Variants in DZIP1 observed in about 807,000 individuals in gnomAD.
DZIP1 encodes the protein DAZ interacting zinc finger protein 1.
A neutral mutation model predicts 107.6 loss-of-function variants in DZIP1; 97 were observed. The observed-to-expected ratio is 0.90, with a 90% CI of 0.77 to 1.07. The LOEUF (loss-of-function observed/expected upper bound fraction) is 1.07. DZIP1 is among the 50% of genes least tolerant of loss of function. The probability of loss-of-function intolerance (pLI) is 0.00; values close to 1 mark genes in which losing one functional copy is unlikely to be tolerated. For synonymous variants in DZIP1, 390 were observed against 386.4 expected, an observed-to-expected ratio of 1.01 and a Z score of -0.11; for missense variants, 1,035 against 1,063.6, an observed-to-expected ratio of 0.97 and a Z score of 0.37.
At chr13:95,640,180 A>G (rs1878331740) in intron 5 of DZIP1, among the ~76,000 whole-genome samples, 1 of 151,902 alleles carries the variant, frequency 6.6e-6, no homozygotes, top group African/African-American at 2.4e-5. Context: ...TTTAGTAGAC[A>G]CGGGGTTTCA....
chr13:95,593,936 G>A lies in DZIP1; in HGVS notation c.1680+8C>T. On this transcript the variant is annotated splice_region_variant and intron_variant, in intron 16 of 22. Transcript: ENST00000376829. ...ACTAACAAATATTCCAAAAATGAAT[G>A]AACATACTGCATTAATCCCCAAGGT... is the stretch of plus-strand genomic sequence containing the variant. 6.3e-7 allele frequency: 1 copy of A among 1,588,578 alleles called. No individual in the cohort carries two copies. Among genetic ancestry groups the A allele is most frequent in the South Asian group, 1.2e-5 (1 of 85,422 alleles).
intron 5 of DZIP1, among the ~76,000 whole-genome samples, chr13:95,639,039 C>G (rs567695819): frequency 6.6e-6 from 1 of 152,242 alleles, no homozygotes; most frequent in South Asian, 2.1e-4. Context: ...TCCCTCATTC[C>G]CAGGTATTAG....
intron 16 of DZIP1, among the ~76,000 whole-genome samples, 193 bp from the exon 17 acceptor site, chr13:95,590,634 T>C (rs931701939): frequency 1.3e-5 from 2 of 152,208 alleles, no homozygotes; most frequent in African/African-American, 4.8e-5. Context: ...ACATAAGGCA[T>C]GCATATGTTT....
At chr13:95,596,148 G>A (rs2044451668) in intron 15 of DZIP1, among the ~76,000 whole-genome samples, 1 of 152,062 alleles carries the variant, frequency 6.6e-6, no homozygotes, top group Admixed American at 6.6e-5. Context: ...AGAGTAAGCA[G>A]GGAAAAATAA....
chr13:95,639,288 A>T (rs1878196518), intron 5 of DZIP1, among the ~76,000 whole-genome samples: 1 of 152,142 alleles, frequency 6.6e-6, no homozygotes, highest in South Asian at 2.1e-4. Context: ...CTTATCATTC[A>T]CATTTGAAAA....
chr13:95,599,599 A>G (rs2044555992), intron 14 of DZIP1, among the ~76,000 whole-genome samples, 175 bp from the exon 15 acceptor site: 1 of 152,236 alleles, frequency 6.6e-6, no homozygotes. Flanking sequence ...TCACCTTTTC[A>G]TCATATCTTC....
At chr13:95,601,114 T>G (rs374166190) in intron 14 of DZIP1, among the ~76,000 whole-genome samples, 45 of 152,302 alleles carry the variant, frequency 3.0e-4, no homozygotes, top group African/African-American at 1.1e-3. Context: ...CTATGACTTA[T>G]TTCTCTAGAG....
chr13:95,636,634 G>A (rs1463805846), intron 5 of DZIP1, among the ~76,000 whole-genome samples: 1 of 151,722 alleles, frequency 6.6e-6, no homozygotes, highest in Non-Finnish European at 1.5e-5. Context: ...TAAAGGAAAG[G>A]CTGACATAAT....
At position 95,641,426 on chromosome 13, in the gene DZIP1, C is replaced by G; in HGVS notation, c.466G>C (p.Gly156Arg). The change falls in exon 5 of 23, where the codon GGC (glycine) becomes CGC (arginine). Residue 156 changes from glycine to arginine, a missense_variant. Coordinates refer to ENST00000376829, the MANE Select transcript of DZIP1 (RefSeq NM_198968.4). This position sits in a 1 kb window ranked among gnomAD's most constrained non-coding sequence, Gnocchi z 4.3. ...GTGAGCAGCTTCTTGCTCTGCTCGC[C>G]GTCGCAGTGGCTCAGGCGCAGCCGC... The part of the protein sequence containing the change: ...EERLRLSHCD[G>R]EQSKKLLTKQ... 1.2e-6 allele frequency: 2 copies of G among 1,614,134 alleles called. No homozygotes were observed. The highest frequency in any genetic ancestry group is 1.7e-6 in the Non-Finnish European group (2 of 1,180,000).
intron 9 of DZIP1, among the ~76,000 whole-genome samples, chr13:95,621,715 T>C (rs1161180270): frequency 7.0e-6 from 1 of 143,628 alleles, no homozygotes; most frequent in African/African-American, 2.7e-5. Context: ...TGTGTGTGTG[T>C]ATTTATTTAT....
chr13:95,581,190 A>C lies in DZIP1; in HGVS notation c.*1044T>G, dbSNP rs1166449838. On this transcript the variant is annotated 3_prime_UTR_variant, in exon 23 of 23. Transcript: ENST00000376829. ...TAAAACCCAACAAATCTTTTAGTTA[A>C]AAGGTTACTTGGAAACAGAATATAG... 6.6e-6 allele frequency: 1 copy of C among 152,666 alleles called. No individual in the cohort carries two copies. Among genetic ancestry groups the C allele is most frequent in the African/African-American group, 2.4e-5 (1 of 41,470 alleles). The allele number at this position is 152,666 out of a possible 1,614,324, so 9.5% of individuals were successfully genotyped here. A position where few individuals can be genotyped will look rare whatever the true frequency, so the allele number is the denominator to read the frequency against.
At position 95,632,407 on chromosome 13, in the gene DZIP1, C is replaced by CCT. The variant is rs570802740; in HGVS notation, c.685+825_685+826dup. Among the ~76,000 whole-genome samples, 775 of 152,240 alleles carry CCT rather than the reference C, an allele frequency of 5.1e-3. 1 individual carries two copies. The highest frequency in any genetic ancestry group is 0.014 in the Admixed American group (215 of 15,290). On this transcript the variant is annotated intron_variant, in intron 6 of 22. Coordinates refer to ENST00000376829, the MANE Select transcript of DZIP1 (RefSeq NM_198968.4). ...AACATGGAGGACAGAAACCCAGGGTCCTCTGTAGCTTCTGGGTCCACAACT... is the reference window on the plus strand; with the variant it reads ...AACATGGAGGACAGAAACCCAGGGTCCTCTCTGTAGCTTCTGGGTCCACAACT...
At chr13:95,599,952 C>T (rs975782313) in intron 14 of DZIP1, among the ~76,000 whole-genome samples, 1 of 152,148 alleles carries the variant, frequency 6.6e-6, no homozygotes, top group African/African-American at 2.4e-5. Flanking sequence ...TCTTCGACAC[C>T]TGCATGGATG....
rs1878889281 is a variant in DZIP1 at position 95,644,465 on chromosome 13, CG to C, written c.-615del. ...CCAGACCCCAGGGTCGCTGCTGACG[CG>C]GGCCGGGCCCGCGGAGGCCGAGGAG... is the stretch of plus-strand genomic sequence containing the variant. On this transcript the variant is annotated 5_prime_UTR_variant, in exon 1 of 23. Transcript: ENST00000376829. The C allele has an allele frequency of 6.5e-6, 1 of 152,874 alleles. No homozygotes were observed. The highest frequency in any genetic ancestry group is 2.1e-4 in the South Asian group (1 of 4,844). The allele number at this position is 152,874 out of a possible 1,614,324, so 9.5% of individuals were successfully genotyped here.
At chr13:95,634,045 C>A (rs1392612867) in intron 5 of DZIP1, among the ~76,000 whole-genome samples, 1 of 152,200 alleles carries the variant, frequency 6.6e-6, no homozygotes, top group Non-Finnish European at 1.5e-5. Context: ...TTCTGGAGCC[C>A]CTGATGCTGC....
intron 16 of DZIP1, among the ~76,000 whole-genome samples, chr13:95,592,513 C>A (rs746554960): frequency 2.0e-5 from 3 of 152,180 alleles, no homozygotes; most frequent in Non-Finnish European, 4.4e-5. Flanking sequence ...TGTGGAGCAA[C>A]TGAACTCTCA....
intron 8 of DZIP1, among the ~76,000 whole-genome samples, chr13:95,623,827 T>C (rs1384783561): frequency 1.3e-5 from 2 of 152,154 alleles, no homozygotes; most frequent in African/African-American, 4.8e-5. Flanking sequence ...TAACGCCAGC[T>C]ACTCAGGAGG....
intron 10 of DZIP1, among the ~76,000 whole-genome samples, chr13:95,617,470 A>T (rs1875257269): frequency 6.6e-6 from 1 of 152,084 alleles, no homozygotes; most frequent in South Asian, 2.1e-4. Flanking sequence ...TCCCACGGAC[A>T]TTGAGAAGAG....
intron 14 of DZIP1, among the ~76,000 whole-genome samples, chr13:95,602,585 A>G (rs539915182): frequency 1.1e-4 from 17 of 152,358 alleles, no homozygotes; most frequent in African/African-American, 4.1e-4. Context: ...GTGGCGGAAC[A>G]CCGCTGGAGA....
Sources: allele counts gnomAD v4.1 joint callset (sites outside exome capture counted in the v4.1 genomes callset), GRCh38; gene constraint gnomAD v4.1.1; non-coding constraint Gnocchi (gnomAD v3.1); transcripts MANE v1.5; gene names NCBI Gene and HGNC (gene_info 2026-07-23, HGNC 2026-07-21).